The following VEZT variants were observed in gnomAD, a reference collection of about 807,000 sequenced individuals.
The protein encoded by VEZT is vezatin.
VEZT carries 39 observed loss-of-function variants against 79.9 expected under a neutral mutation model. The observed-to-expected ratio is 0.49, with a 90% CI of 0.38 to 0.64. The LOEUF is 0.64. Among genes scored for constraint, VEZT ranks in the 30% least tolerant of loss-of-function variants. The pLI is 0.00. For synonymous variants in VEZT, 325 were observed against 327.6 expected, an observed-to-expected ratio of 0.99 and a Z score of 0.09; for missense variants, 837 against 893.1, an observed-to-expected ratio of 0.94 and a Z score of 0.80.
rs115726939 is a variant in VEZT at position 95,272,160 on chromosome 12, G to A, written c.848+1972G>A. ...TTCCAGCCTGGGCAACAGAGTGAGA[G>A]CCTGTCTCAAATAAACTAAAATAAA... On this transcript the variant is annotated intron_variant, in intron 6 of 11. Transcript: ENST00000436874. Among the ~76,000 whole-genome samples the A allele has an allele frequency of 3.4e-3, 513 of 152,178 alleles. 1 individual carries two copies. The highest frequency in any genetic ancestry group is 0.027 in the Middle Eastern group (8 of 294).
intron 1 of VEZT, among the ~76,000 whole-genome samples, chr12:95,239,984 A>AG (rs2060718910): frequency 9.6e-5 from 12 of 124,584 alleles, no homozygotes; most frequent in Non-Finnish European, 1.7e-4. Flanking sequence ...GAGAGAGAGG[A>AG]GAGAGAGAGA....
At chr12:95,230,275 A>G (rs1325388237) in intron 1 of VEZT, among the ~76,000 whole-genome samples, 2 of 152,150 alleles carry the variant, frequency 1.3e-5, no homozygotes, top group African/African-American at 4.8e-5. Flanking sequence ...CATTTATTTT[A>G]AAATCTGCAT....
chr12:95,287,580 G>A, intron 8 of VEZT, 84 bp from the exon 9 acceptor site: 1 of 1,297,782 alleles, frequency 7.7e-7, no homozygotes, highest in Non-Finnish European at 1.0e-6. Context: ...TGAGATTTAA[G>A]CTTATTTTAA....
chr12:95,223,187 G>T (rs1004576176), intron 1 of VEZT, among the ~76,000 whole-genome samples: 2 of 152,048 alleles, frequency 1.3e-5, no homozygotes, highest in South Asian at 4.1e-4. Flanking sequence ...TAACTATCTC[G>T]TAAGGTAGTT....
chr12:95,300,842 T>A lies in VEZT; in HGVS notation c.*169T>A. The A allele has an allele frequency of 1.2e-6, 1 of 852,922 alleles. No individual in the cohort carries two copies. Among genetic ancestry groups the A allele is most frequent in the Non-Finnish European group, 1.6e-6 (1 of 628,358 alleles). The allele number at this position is 852,922 out of a possible 1,614,324, so 52.8% of individuals were successfully genotyped here. A position where few individuals can be genotyped will look rare whatever the true frequency, so the allele number is the denominator to read the frequency against. ...CTGATCTGAAATTAGTAGTTACCTG[T>A]AAATGGCAGATCTTTTAGGAAAATA... On this transcript the variant is annotated 3_prime_UTR_variant, in exon 12 of 12. Transcript: ENST00000436874.
In VEZT at chr12:95,302,192, A is replaced by C. The variant is rs1203720899; in HGVS notation, c.*1519A>C. 1 of 152,064 alleles carries C rather than the reference A, an allele frequency of 6.6e-6. No individual in the cohort carries two copies. Among genetic ancestry groups the C allele is most frequent in the Non-Finnish European group, 1.5e-5 (1 of 67,962 alleles). 9.4% of individuals were successfully genotyped at this position (152,064 alleles called of 1,614,324 possible). A position where few individuals can be genotyped will look rare whatever the true frequency, so the allele number is the denominator to read the frequency against. On this transcript the variant is annotated 3_prime_UTR_variant, in exon 12 of 12. Coordinates refer to ENST00000436874, the MANE Select transcript of VEZT (RefSeq NM_017599.4). The stretch of plus-strand genomic sequence containing the variant: ...GTTTACCGACTTCATTTTTCTTTGG[A>C]TTTAGAAGAAGCAATTATGGAAAAA...
intron 4 of VEZT, among the ~76,000 whole-genome samples, chr12:95,265,929 A>T (rs1351936767): frequency 6.6e-6 from 1 of 152,160 alleles, no homozygotes; most frequent in Non-Finnish European, 1.5e-5. Flanking sequence ...GATTTTGTAG[A>T]CTGAGCTAAT....
At chr12:95,294,088 T>G in intron 9 of VEZT, 184 bp from the exon 10 acceptor site, 1 of 502,858 alleles carries the variant, frequency 2.0e-6, no homozygotes, top group Non-Finnish European at 3.6e-6. Flanking sequence ...GACAGAGTCT[T>G]TGTTTCCAGG....
At chr12:95,299,358 GC>G (rs1415776352) in intron 11 of VEZT, 1 of 153,554 alleles carries the variant, frequency 6.5e-6, no homozygotes. Flanking sequence ...GCAACCCACT[GC>G]CTACTAACAT....
At chr12:95,219,029 CGAAGT>C (rs1406929302) in intron 1 of VEZT, among the ~76,000 whole-genome samples, 1 of 151,746 alleles carries the variant, frequency 6.6e-6, no homozygotes, top group Non-Finnish European at 1.5e-5. Flanking sequence ...GCCATTTTAC[CGAAGT>C]GAAGAGTCTA....
chr12:95,272,091 G>T (rs1028942617), intron 6 of VEZT, among the ~76,000 whole-genome samples: 1 of 152,136 alleles, frequency 6.6e-6, no homozygotes, highest in African/African-American at 2.4e-5. Flanking sequence ...GATTCCTTGA[G>T]CCCAAAAGGT....
intron 8 of VEZT, 32 bp from the exon 9 acceptor site, chr12:95,287,632 G>A: frequency 9.6e-6 from 14 of 1,454,960 alleles, no homozygotes; most frequent in Non-Finnish European, 1.3e-5. Flanking sequence ...TCATATTATA[G>A]AAATCTGTTT....
intron 1 of VEZT, among the ~76,000 whole-genome samples, chr12:95,230,017 A>G (rs2059019138): frequency 6.8e-6 from 1 of 147,920 alleles, no homozygotes. Flanking sequence ...ACGTAGGAGA[A>G]TTGCTTGAAC....
At chr12:95,218,120 G>C (rs1041525294) in intron 1 of VEZT, 4 of 384,266 alleles carry the variant, frequency 1.0e-5, no homozygotes, top group Non-Finnish European at 1.9e-5. Flanking sequence ...ATTCCCAGAC[G>C]GTGCCCGGTT....
Position 95,265,081 on chromosome 12 carries a change from G to A in VEZT, c.435-1276G>A, listed in dbSNP as rs150428606. Among the ~76,000 whole-genome samples, 498 of 151,844 alleles carry A rather than the reference G, an allele frequency of 3.3e-3. 2 individuals carry two copies. Among genetic ancestry groups the A allele is most frequent in the African/African-American group, 0.01 (424 of 41,398 alleles). The stretch of plus-strand genomic sequence containing the variant: ...CTACTGTGTTGCCCAGTCTGGTCTC[G>A]AACTCCTGGGCTCAAGTGGTCCTCC... On this transcript the variant is annotated intron_variant, in intron 4 of 11. Coordinates refer to ENST00000436874, the MANE Select transcript of VEZT (RefSeq NM_017599.4).
intron 3 of VEZT, among the ~76,000 whole-genome samples, chr12:95,260,429 A>G (rs949051995): frequency 6.6e-6 from 1 of 152,086 alleles, no homozygotes; most frequent in African/African-American, 2.4e-5. Context: ...CTTAAATCAG[A>G]TATTCCTAAT....
At chr12:95,236,575 CTT>C (rs767088513) in intron 1 of VEZT, among the ~76,000 whole-genome samples, 10 of 141,912 alleles carry the variant, frequency 7.0e-5, no homozygotes, top group Non-Finnish European at 9.3e-5. Flanking sequence ...TTACTGAATT[CTT>C]TTTTTTTTTT....
chr12:95,296,447 A>G, intron 11 of VEZT, 189 bp downstream of exon 11: 1 of 422,810 alleles, frequency 2.4e-6, no homozygotes, highest in Non-Finnish European at 4.0e-6. Context: ...CCACATTGGA[A>G]ATATGAAGTC....
At position 95,300,312 on chromosome 12, in the gene VEZT, G is replaced by GGACT. The variant is rs1273241679; in HGVS notation, c.1982_1985dup (p.Glu662AspfsTer2). On this transcript the variant is annotated frameshift_variant, in exon 12 of 12. Transcript: ENST00000436874. LOFTEE classifies it low-confidence loss of function (END_TRUNC). Reference sequence around the variant, plus strand: ...GCCACAACAGACAATGAAATAAGTAGGACTGAGTATTTATGTGAAAACTCT... The same window carrying GGACT: ...GCCACAACAGACAATGAAATAAGTAGGACTGACTGAGTATTTATGTGAAAACTCT... 2.5e-6 allele frequency: 4 copies of GGACT among 1,609,568 alleles called. No individual in the cohort carries two copies. Among genetic ancestry groups the GGACT allele is most frequent in the African/African-American group, 1.3e-5 (1 of 74,794 alleles).
Sources: allele counts gnomAD v4.1 joint callset (sites outside exome capture counted in the v4.1 genomes callset), GRCh38; gene constraint gnomAD v4.1.1; transcripts MANE v1.5; gene names NCBI Gene and HGNC (gene_info 2026-07-23, HGNC 2026-07-21).